ACKR2: variants seen among roughly 807,000 people sequenced by gnomAD.
The protein encoded by ACKR2 is C-C chemokine receptor D6.
For synonymous variants in ACKR2, 207 were observed against 192.2 expected, an observed-to-expected ratio of 1.08 and a Z score of -0.64; for missense variants, 457 against 477.3, an observed-to-expected ratio of 0.96 and a Z score of 0.40.
intron 1 of ACKR2, among the ~76,000 whole-genome samples, chr3:42,810,559 C>G (rs970731117): frequency 6.6e-6 from 1 of 152,008 alleles, no homozygotes; most frequent in African/African-American, 2.4e-5. Context: ...TACAAACACC[C>G]TTTCCCCTTT....
chr3:42,821,693 A>G (rs995111050), intron 2 of ACKR2, among the ~76,000 whole-genome samples: 8 of 151,414 alleles, frequency 5.3e-5, no homozygotes, highest in African/African-American at 1.7e-4. Context: ...TATAGAATAT[A>G]TATATGTTTT....
chr3:42,865,799 G>T lies in ACKR2; in HGVS notation c.*142G>T. On this transcript the variant is annotated 3_prime_UTR_variant, in exon 3 of 3. Transcript: ENST00000422265. ...CAGTTCTCAGCCATCAGCAGCATTT[G>T]CTCGCCCCGCCTTCTTCCTCCACTT... The T allele has an allele frequency of 1.6e-6, 1 of 637,992 alleles. No homozygotes were observed. Among genetic ancestry groups the T allele is most frequent in the South Asian group, 2.3e-5 (1 of 42,742 alleles). The allele number at this position is 637,992 out of a possible 1,614,324, so 39.5% of individuals were successfully genotyped here. A position where few individuals can be genotyped will look rare whatever the true frequency, so the allele number is the denominator to read the frequency against.
intron 2 of ACKR2, among the ~76,000 whole-genome samples, chr3:42,862,503 A>G (rs1199012235): frequency 1.3e-5 from 2 of 152,238 alleles, no homozygotes; most frequent in African/African-American, 4.8e-5. Flanking sequence ...AGACTTAGAA[A>G]AAACTACTTT....
In ACKR2 at chr3:42,866,678, A is replaced by G. The variant is rs986431309; in HGVS notation, c.*1021A>G. ...GAGCAGCAGCCTGTCAAAACACCAG[A>G]TTACAACAAATTTAGTTTAAAGGTC... On this transcript the variant is annotated 3_prime_UTR_variant, in exon 3 of 3. Coordinates refer to ENST00000422265, the MANE Select transcript of ACKR2 (RefSeq NM_001296.5). 6.0e-6 allele frequency: 1 copy of G among 166,966 alleles called. No individual in the cohort carries two copies. Among genetic ancestry groups the G allele is most frequent in the African/African-American group, 2.4e-5 (1 of 41,390 alleles). The allele number at this position is 166,966 out of a possible 1,614,324, so 10.3% of individuals were successfully genotyped here. A position where few individuals can be genotyped will look rare whatever the true frequency, so the allele number is the denominator to read the frequency against.
In ACKR2 at chr3:42,865,342, A is replaced by G. The variant is rs896689766; in HGVS notation, c.840A>G (p.Val280=). 12 of 1,614,064 alleles carry G rather than the reference A, an allele frequency of 7.4e-6. No individual in the cohort carries two copies. Among genetic ancestry groups the G allele is most frequent in the Non-Finnish European group, 1.0e-5 (12 of 1,180,030 alleles). ...TGCATACGCTGTTGGACCTGCAAGT[A>G]TTCGGGAACTGTGAGGTCAGCCAGC... ...LFLHTLLDLQ[V]FGNCEVSQHL... is the part of the protein sequence containing the mutation. Residue 280 remains valine, a synonymous_variant, in exon 3 of 3, where the codon GTA becomes GTG. Transcript: ENST00000422265.
intron 2 of ACKR2, among the ~76,000 whole-genome samples, chr3:42,840,723 T>C (rs1029845727): frequency 3.3e-5 from 5 of 152,278 alleles, no homozygotes; most frequent in Non-Finnish European, 7.3e-5. Flanking sequence ...AGTCTCGCTC[T>C]GTCGCCCAGG....
At chr3:42,855,395 G>T (rs1256326066) in intron 2 of ACKR2, among the ~76,000 whole-genome samples, 2 of 152,186 alleles carry the variant, frequency 1.3e-5, no homozygotes, top group African/African-American at 4.8e-5. Flanking sequence ...GAAGGTGTCT[G>T]GCCAGCTGTA....
At position 42,828,672 on chromosome 3, in the gene ACKR2, G is replaced by C. The variant is rs138261326; in HGVS notation, c.-38+8961G>C. Among the ~76,000 whole-genome samples, 861 of 152,306 alleles carry C rather than the reference G, an allele frequency of 5.7e-3. 9 individuals carry two copies. The highest frequency in any genetic ancestry group is 0.02 in the African/African-American group (830 of 41,558). On this transcript the variant is annotated intron_variant, in intron 2 of 2. Transcript: ENST00000422265. The stretch of plus-strand genomic sequence containing the variant: ...AGCGGCGAATTTATCTCACATGCCA[G>C]TTAGACACTTTATTCTGTCTAATTC...
chr3:42,863,154 T>C (rs1046155332), intron 2 of ACKR2, among the ~76,000 whole-genome samples: 1 of 152,032 alleles, frequency 6.6e-6, no homozygotes, highest in African/African-American at 2.4e-5. Flanking sequence ...CTTAAACAAA[T>C]TTACAAGAAG....
intron 2 of ACKR2, among the ~76,000 whole-genome samples, chr3:42,825,865 G>GTTT (rs71072740): frequency 0.21 from 28,353 of 134,322 alleles, 3,933 homozygotes; most frequent in Non-Finnish European, 0.31. Context: ...TTTTTTTTTT[G>GTTT]TTTTTTTTTT....
Position 42,865,667 on chromosome 3 carries a change from T to G in ACKR2, c.*10T>G, listed in dbSNP as rs2088429632. ...GAATAAATCAGCCTGAGTGACCAAA[T>G]TTTGGTCTGGTGGGAACAGATGGGA... On this transcript the variant is annotated 3_prime_UTR_variant, in exon 3 of 3. Coordinates refer to ENST00000422265, the MANE Select transcript of ACKR2 (RefSeq NM_001296.5). The G allele has an allele frequency of 2.5e-6, 4 of 1,594,256 alleles. No homozygotes were observed. The East Asian group carries it at 8.9e-5, about 36-fold the overall frequency.
At chr3:42,864,008 TAAAC>T (rs1225702892) in intron 2 of ACKR2, among the ~76,000 whole-genome samples, 2 of 152,116 alleles carry the variant, frequency 1.3e-5, no homozygotes, top group African/African-American at 2.4e-5. Flanking sequence ...TAAAGTATAA[TAAAC>T]AAAATTTTTT....
At chr3:42,826,892 G>A (rs1700871214) in intron 2 of ACKR2, among the ~76,000 whole-genome samples, 1 of 151,976 alleles carries the variant, frequency 6.6e-6, no homozygotes, top group Non-Finnish European at 1.5e-5. Context: ...CTTTTACTAT[G>A]TCCCATAAGT....
Position 42,865,225 on chromosome 3 carries a change from G to A in ACKR2, c.723G>A (p.Arg241=). The change falls in exon 3 of 3, where the codon AGG becomes AGA. Residue 241 remains arginine (R), a synonymous_variant. Coordinates refer to ENST00000422265, the MANE Select transcript of ACKR2 (RefSeq NM_001296.5). ...SRIGCVLVRL[R]PAGQGRALKI... ...TTGGTTGTGTCTTGGTGAGGCTGAG[G>A]CCCGCAGGCCAGGGCCGGGCTTTAA... is the stretch of plus-strand genomic sequence containing the variant. 1 of 1,614,176 alleles carries A rather than the reference G, an allele frequency of 6.2e-7. No homozygotes were observed. Among genetic ancestry groups the A allele is most frequent in the Non-Finnish European group, 8.5e-7 (1 of 1,180,040 alleles).
chr3:42,835,713 C>T (rs557593862), intron 2 of ACKR2: 1 of 152,420 alleles, frequency 6.6e-6, no homozygotes, highest in Non-Finnish European at 1.5e-5. Context: ...CTCTCAGTCT[C>T]AGCGTCTGCT....
chr3:42,861,141 C>CA (rs562467685), intron 2 of ACKR2, among the ~76,000 whole-genome samples: 180 of 152,026 alleles, frequency 1.2e-3, no homozygotes, highest in African/African-American at 4.2e-3. Context: ...AGAAAGGAGA[C>CA]ACGAATCAAA....
intron 2 of ACKR2, among the ~76,000 whole-genome samples, chr3:42,827,654 C>T (rs564430605): frequency 2.7e-4 from 41 of 152,134 alleles, no homozygotes; most frequent in African/African-American, 9.6e-4. Context: ...AAGAGATCTA[C>T]GAGATACCAA....
chr3:42,814,353 T>G (rs1034451213), intron 1 of ACKR2, among the ~76,000 whole-genome samples: 4 of 152,216 alleles, frequency 2.6e-5, no homozygotes, highest in African/African-American at 4.8e-5. Flanking sequence ...CACCTGTAAT[T>G]TATAGAAAGA....
At chr3:42,829,631 A>G (rs1045746362) in intron 2 of ACKR2, among the ~76,000 whole-genome samples, 3 of 152,122 alleles carry the variant, frequency 2.0e-5, no homozygotes, top group Non-Finnish European at 4.4e-5. Flanking sequence ...CTCTAATTTT[A>G]TAGATAGGGA....
Sources: allele counts gnomAD v4.1 joint callset (sites outside exome capture counted in the v4.1 genomes callset), GRCh38; gene constraint gnomAD v4.1.1; transcripts MANE v1.5; gene names NCBI Gene and HGNC (gene_info 2026-07-23, HGNC 2026-07-21).